Variants in UBAC2 observed in about 807,000 individuals in gnomAD.
UBAC2 encodes the protein UBA domain containing 2.
Under a neutral mutation model 44.0 loss-of-function variants are expected in UBAC2, and 26 were observed. The ratio of observed to expected loss-of-function variants is 0.59; its 90% CI spans 0.43 to 0.82. UBAC2 has a LOEUF of 0.82. Ranked by LOEUF, UBAC2 falls within the 40% of genes least tolerant of loss-of-function variation. The probability of loss-of-function intolerance (pLI) is 0.00; values close to 1 mark genes in which losing one functional copy is unlikely to be tolerated. For synonymous variants in UBAC2, 155 were observed against 154.3 expected (o/e 1.00, Z -0.04); for missense variants, 329 against 419.4 (o/e 0.78, Z 1.88).
In UBAC2 at chr13:99,295,276, C is replaced by G. The variant is rs144039046; in HGVS notation, c.390-18821C>G. The G allele has an allele frequency of 3.3e-3, 5,259 of 1,614,098 alleles. 29 individuals carry two copies. The highest frequency in any genetic ancestry group is 0.01 in the South Asian group (956 of 91,084). On this transcript the variant is annotated intron_variant, in intron 4 of 8. Coordinates refer to ENST00000403766, the MANE Select transcript of UBAC2 (RefSeq NM_001144072.2). This position sits in a 1 kb window ranked among gnomAD's most constrained non-coding sequence, Gnocchi z 4.1. ...AGTTCATCAGGCATACTGTAAAGTG[C>G]AGAGAAATCTGGAACGAATGTCTTT...
chr13:99,341,412 T>C (rs1167837422), intron 7 of UBAC2, among the ~76,000 whole-genome samples: 2 of 22,350 alleles, frequency 8.9e-5, no homozygotes, highest in African/African-American at 2.0e-4. Context: ...TCCCAGAGTT[T>C]ATATCAGGGG....
chr13:99,252,641 A>T (rs1238559304), intron 4 of UBAC2, among the ~76,000 whole-genome samples: 1 of 146,716 alleles, frequency 6.8e-6, no homozygotes, highest in Non-Finnish European at 1.6e-5. Flanking sequence ...TATACCTATT[A>T]TTTTTTGTTA....
intron 1 of UBAC2, among the ~76,000 whole-genome samples, chr13:99,202,004 C>T (rs184332472): frequency 7.1e-6 from 1 of 140,236 alleles, no homozygotes; most frequent in Non-Finnish European, 1.5e-5. Context: ...ACCCGGGAGG[C>T]GGAGCTTGCA....
chr13:99,271,658 T>A (rs193065444), intron 4 of UBAC2, among the ~76,000 whole-genome samples: 14 of 152,350 alleles, frequency 9.2e-5, no homozygotes, highest in Admixed American at 5.9e-4. Context: ...GTTTTTAAAT[T>A]GTTTTTCACT....
At chr13:99,336,110 A>T (rs1392920843) in intron 6 of UBAC2, among the ~76,000 whole-genome samples, 1 of 152,142 alleles carries the variant, frequency 6.6e-6, no homozygotes, top group Admixed American at 6.5e-5. Flanking sequence ...ACAAGTGAGG[A>T]TAAACATCTT....
intron 7 of UBAC2, among the ~76,000 whole-genome samples, chr13:99,346,418 G>C (rs1406064778): frequency 6.6e-6 from 1 of 152,186 alleles, no homozygotes; most frequent in Non-Finnish European, 1.5e-5. Context: ...ATAGCTTTCA[G>C]GGTGGTTCCA....
At chr13:99,314,028 C>G (rs1214115677) in intron 4 of UBAC2, 69 bp from the exon 5 acceptor site, 4 of 1,455,542 alleles carry the variant, frequency 2.7e-6, no homozygotes, top group Admixed American at 2.1e-5. Context: ...AGTGTTACTT[C>G]AAAGATACAT....
intron 1 of UBAC2, among the ~76,000 whole-genome samples, chr13:99,236,253 C>T (rs369547058): frequency 6.6e-6 from 1 of 152,240 alleles, no homozygotes; most frequent in African/African-American, 2.4e-5. Context: ...AAGAAACAGT[C>T]AACAAAGAGA....
intron 1 of UBAC2, among the ~76,000 whole-genome samples, chr13:99,231,194 G>A (rs974319941): frequency 2.0e-5 from 3 of 152,128 alleles, no homozygotes; most frequent in African/African-American, 7.2e-5. Flanking sequence ...ACAGGTTCTG[G>A]GGATTAGGAC....
chr13:99,316,451 A>G (rs1410769366), intron 5 of UBAC2, among the ~76,000 whole-genome samples: 1 of 152,212 alleles, frequency 6.6e-6, no homozygotes, highest in African/African-American at 2.4e-5. Flanking sequence ...GAAGACTTGA[A>G]TCATAATCGG....
At chr13:99,369,226 C>T (rs1268375178) in intron 8 of UBAC2, among the ~76,000 whole-genome samples, 1 of 152,060 alleles carries the variant, frequency 6.6e-6, no homozygotes, top group Non-Finnish European at 1.5e-5. Flanking sequence ...TATATGAAGA[C>T]TAGGCTATTT....
chr13:99,273,863 C>CTT (rs199875385), intron 4 of UBAC2, among the ~76,000 whole-genome samples: 9 of 137,946 alleles, frequency 6.5e-5, no homozygotes, highest in Non-Finnish European at 1.1e-4. Flanking sequence ...CAGTTTTCAT[C>CTT]TTTTTTTTTT....
intron 4 of UBAC2, among the ~76,000 whole-genome samples, chr13:99,269,399 A>G (rs968905668): frequency 2.0e-5 from 3 of 152,242 alleles, no homozygotes; most frequent in Non-Finnish European, 4.4e-5. Context: ...AACTTGTTCC[A>G]GGACATAATT....
At chr13:99,202,907 G>A (rs2042822475) in intron 1 of UBAC2, among the ~76,000 whole-genome samples, 1 of 152,202 alleles carries the variant, frequency 6.6e-6, no homozygotes, top group Admixed American at 6.5e-5. Flanking sequence ...TTACAGTGCT[G>A]ACGGAGCTTA....
intron 7 of UBAC2, among the ~76,000 whole-genome samples, chr13:99,349,278 T>C (rs2045040489): frequency 6.6e-6 from 1 of 152,212 alleles, no homozygotes; most frequent in African/African-American, 2.4e-5. Context: ...AAGATGTATC[T>C]GTTCTCTACC....
At chr13:99,363,874 C>A (rs1365565402) in intron 7 of UBAC2, among the ~76,000 whole-genome samples, 1 of 152,212 alleles carries the variant, frequency 6.6e-6, no homozygotes. Flanking sequence ...CATGCTGAAT[C>A]TTTCCATTTA....
At chr13:99,257,681 C>T (rs967486045) in intron 4 of UBAC2, among the ~76,000 whole-genome samples, 4 of 151,988 alleles carry the variant, frequency 2.6e-5, no homozygotes, top group Non-Finnish European at 5.9e-5. Context: ...CTATAGATAC[C>T]ATGATTATCT....
intron 1 of UBAC2, among the ~76,000 whole-genome samples, chr13:99,234,084 G>A (rs1198435552): frequency 6.6e-6 from 1 of 151,258 alleles, no homozygotes; most frequent in Non-Finnish European, 1.5e-5. Context: ...TCCAAGGAAA[G>A]CATGTTATTT....
intron 5 of UBAC2, among the ~76,000 whole-genome samples, chr13:99,315,850 C>T (rs549420069): frequency 2.0e-5 from 3 of 151,998 alleles, no homozygotes; most frequent in South Asian, 2.1e-4. Context: ...TTTCATCTCT[C>T]GGGGAAAGGG....
Sources: allele counts gnomAD v4.1 joint callset (sites outside exome capture counted in the v4.1 genomes callset), GRCh38; gene constraint gnomAD v4.1.1; non-coding constraint Gnocchi (gnomAD v3.1); transcripts MANE v1.5; gene names NCBI Gene and HGNC (gene_info 2026-07-23, HGNC 2026-07-21).